Variants in AREG observed in about 807,000 individuals in gnomAD.
AREG encodes amphiregulin.
AREG carries 16 observed loss-of-function variants against 28.0 expected under a neutral mutation model. The ratio of observed to expected loss-of-function variants is 0.57; its 90% CI spans 0.39 to 0.87. The LOEUF is 0.87. Ranked by LOEUF, AREG falls within the 40% of genes least tolerant of loss-of-function variation. The pLI is 0.00. For missense variants in AREG, 287 were observed against 309.1 expected, an observed-to-expected ratio of 0.93 and a Z score of 0.53; for synonymous variants, 113 against 113.5, an observed-to-expected ratio of 1.00 and a Z score of 0.02.
At chr4:74,446,042 C>A (rs951942277) in intron 1 of AREG, among the ~76,000 whole-genome samples, 3 of 87,916 alleles carry the variant, frequency 3.4e-5, no homozygotes, top group Non-Finnish European at 6.8e-5. Flanking sequence ...TTAAAAATAT[C>A]TTTTAAAAAT....
At position 74,449,032 on chromosome 4, in the gene AREG, T is replaced by C; in HGVS notation, c.311-15T>C. 1 of 1,607,298 alleles carries C rather than the reference T, an allele frequency of 6.2e-7. No homozygotes were observed. Among genetic ancestry groups the C allele is most frequent in the Non-Finnish European group, 8.5e-7 (1 of 1,178,864 alleles). ...AGTTTGAGAGACTCTTGTCAATAAA[T>C]CTTTTCTTTTTTAGTTGAACAGGTA... On this transcript the variant is annotated splice_polypyrimidine_tract_variant and intron_variant, in intron 2 of 5. Transcript: ENST00000395748.
chr4:74,447,786 T>A (rs1314318689), intron 2 of AREG, among the ~76,000 whole-genome samples: 1 of 151,946 alleles, frequency 6.6e-6, no homozygotes, highest in Non-Finnish European at 1.5e-5. Context: ...CTTGGGTGAG[T>A]GGGAAGTGAG....
At chr4:74,452,507 G>C in intron 4 of AREG, 37 bp from the exon 5 acceptor site, 1 of 1,612,112 alleles carries the variant, frequency 6.2e-7, no homozygotes, top group Non-Finnish European at 8.5e-7. Flanking sequence ...TAGATGAATA[G>C]AACCTTGATA....
chr4:74,448,937 G>T, intron 2 of AREG, 110 bp from the exon 3 acceptor site: 1 of 1,442,462 alleles, frequency 6.9e-7, no homozygotes, highest in East Asian at 2.3e-5. Context: ...AATGAGGCAC[G>T]CATGGCTGTT....
chr4:74,450,495 G>T lies in AREG; in HGVS notation c.628G>T (p.Ala210Ser). 3 of 1,613,966 alleles carry T rather than the reference G, an allele frequency of 1.9e-6. No individual in the cohort carries two copies. Among genetic ancestry groups the T allele is most frequent in the Non-Finnish European group, 2.5e-6 (3 of 1,179,848 alleles). ...ALAAIAAFMS[A>S]VILTAVAVIT... The stretch of plus-strand genomic sequence containing the variant: ...AGCAGCCATAGCTGCCTTTATGTCT[G>T]CTGTGATCCTCACAGCTGTTGCTGT... Residue 210 changes from alanine (A) to serine (S), a missense_variant, in exon 4 of 6, where the codon GCT (alanine) becomes TCT (serine). Ala to Ser is a moderately conservative substitution (Grantham distance 99). Transcript: ENST00000395748.
chr4:74,454,808 G>C lies in AREG; in HGVS notation c.*68G>C, dbSNP rs989570832. 3 of 700,000 alleles carry C rather than the reference G, an allele frequency of 4.3e-6. No individual in the cohort carries two copies. The highest frequency in any genetic ancestry group is 7.8e-6 in the Non-Finnish European group (3 of 383,554). The allele number at this position is 700,000 out of a possible 1,614,324, so 43.4% of individuals were successfully genotyped here. On this transcript the variant is annotated 3_prime_UTR_variant, in exon 6 of 6. Coordinates refer to ENST00000395748, the MANE Select transcript of AREG (RefSeq NM_001657.4). ...AGTCATAGCCATAAATGATGAGTCG[G>C]TCCTCTTTCCAGTGGATCATAAGAC...
rs767981241 is a variant in AREG, at chr4:74,450,405, C to A, written c.538C>A (p.Arg180=). 1 of 1,613,704 alleles carries A rather than the reference C, an allele frequency of 6.2e-7. No individual in the cohort carries two copies. The highest frequency in any genetic ancestry group is 1.3e-5 in the African/African-American group (1 of 74,876). Reference sequence around the variant, plus strand: ...ATGTCAGCAAGAATATTTCGGTGAACGGTGTGGGGAAAAGTCCATGAAAAC... The same window carrying A: ...ATGTCAGCAAGAATATTTCGGTGAAAGGTGTGGGGAAAAGTCCATGAAAAC... ...CKCQQEYFGE[R]CGEKSMKTHS... Residue 180 remains arginine (R), a synonymous_variant, in exon 4 of 6, where the codon CGG becomes AGG. Transcript: ENST00000395748.
Position 74,445,442 on chromosome 4 carries a change from C to T in AREG, c.61+36C>T. ...ACCGGCGCTGAACTGCTGGGCTCTC[C>T]TCCCATGGCAGGTTTTGCCTCTTGA... On this transcript the variant is annotated intron_variant, in intron 1 of 5. Transcript: ENST00000395748. 2.5e-6 allele frequency: 4 copies of T among 1,593,294 alleles called. No homozygotes were observed. The South Asian group carries it at 4.6e-5, about 18-fold the overall frequency.
chr4:74,445,439 C>T, intron 1 of AREG, 33 bp downstream of exon 1: 1 of 1,596,280 alleles, frequency 6.3e-7, no homozygotes, highest in Non-Finnish European at 8.5e-7. Context: ...CTGCTGGGCT[C>T]TCCTCCCATG....
rs1237609875 is a variant in AREG, at chr4:74,449,237, A to C, written c.501A>C (p.Ala167=). Residue 167 remains alanine, a synonymous_variant, in exon 3 of 6, where the codon GCA becomes GCC. Transcript: ENST00000395748. ...GECKYIEHLE[A]VTCKCQQEYF... is the part of the protein sequence containing the mutation. Reference sequence around the variant, plus strand: ...GCAAATATATAGAGCACCTGGAAGCAGTAACATGCAAGTAAGTTTTCCTAA... The same window carrying C: ...GCAAATATATAGAGCACCTGGAAGCCGTAACATGCAAGTAAGTTTTCCTAA... 1 of 1,613,642 alleles carries C rather than the reference A, an allele frequency of 6.2e-7. No individual in the cohort carries two copies. Among genetic ancestry groups the C allele is most frequent in the East Asian group, 2.2e-5 (1 of 44,766 alleles).
intron 2 of AREG, among the ~76,000 whole-genome samples, chr4:74,447,733 A>G (rs2110411206): frequency 1.3e-5 from 2 of 152,264 alleles, no homozygotes; most frequent in South Asian, 4.1e-4. Context: ...TCTGGTTCTC[A>G]GAACTGGTGA....
chr4:74,453,981 C>T (rs1719421535), intron 5 of AREG, among the ~76,000 whole-genome samples: 1 of 151,478 alleles, frequency 6.6e-6, no homozygotes. Context: ...TTCCTAAGCC[C>T]AGCCCTAAAT....
intron 5 of AREG, among the ~76,000 whole-genome samples, chr4:74,453,075 G>A (rs1319055542): frequency 2.0e-5 from 3 of 152,186 alleles, no homozygotes; most frequent in Non-Finnish European, 4.4e-5. Context: ...GGAAGTGAAC[G>A]TTGAAGGACT....
rs1030095539 is a variant in AREG at position 74,454,435 on chromosome 4, G to A, written c.*19-324G>A. The stretch of plus-strand genomic sequence containing the variant: ...ATCTTTGATTTTAATTATGTCCACT[G>A]CATAGATTTGGTTAGGAAAACTATT... On this transcript the variant is annotated intron_variant, in intron 5 of 5. Transcript: ENST00000395748. 1.1e-4 allele frequency among the ~76,000 whole-genome samples: 17 copies of A among 152,256 alleles called. No homozygotes were observed. In the East Asian group the frequency reaches 3.3e-3, roughly 29 times the overall value.
At chr4:74,452,475 A>G in intron 4 of AREG, 69 bp from the exon 5 acceptor site, 1 of 1,594,354 alleles carries the variant, frequency 6.3e-7, no homozygotes, top group South Asian at 1.1e-5. Context: ...CCCTCTACTC[A>G]TAAAAACCCC....
chr4:74,454,786 C>T lies in AREG; in HGVS notation c.*46C>T, dbSNP rs566564409. On this transcript the variant is annotated 3_prime_UTR_variant, in exon 6 of 6. Coordinates refer to ENST00000395748, the MANE Select transcript of AREG (RefSeq NM_001657.4). Reference sequence around the variant, plus strand: ...TATCACATTGGAGTCACTGCCAAGTCATAGCCATAAATGATGAGTCGGTCC... The same window carrying T: ...TATCACATTGGAGTCACTGCCAAGTTATAGCCATAAATGATGAGTCGGTCC... 23 of 699,196 alleles carry T rather than the reference C, an allele frequency of 3.3e-5. No homozygotes were observed. The South Asian group carries it at 3.4e-4, about 10-fold the overall frequency. 43.3% of individuals were successfully genotyped at this position (699,196 alleles called of 1,614,324 possible). A position where few individuals can be genotyped will look rare whatever the true frequency, so the allele number is the denominator to read the frequency against.
Position 74,446,514 on chromosome 4 carries a change from CT to C in AREG, c.62-17del. The C allele has an allele frequency of 1.2e-6, 2 of 1,613,920 alleles. No individual in the cohort carries two copies. The highest frequency in any genetic ancestry group is 2.2e-5 in the South Asian group (2 of 91,072). ...CCCTACTTTACCTTTTCTTTTCTTC[CT>C]TTATTCCCTCCCCTGCAGGCCATTA... On this transcript the variant is annotated intron_variant, in intron 1 of 5. Coordinates refer to ENST00000395748, the MANE Select transcript of AREG (RefSeq NM_001657.4).
intron 5 of AREG, 120 bp downstream of exon 5, chr4:74,452,775 C>T: frequency 3.5e-6 from 3 of 846,168 alleles, no homozygotes; most frequent in South Asian, 3.7e-5. Context: ...TGAACAATGG[C>T]TATGTTAAAG....
At chr4:74,450,274 A>C (rs1431178197) in intron 3 of AREG, 106 bp from the exon 4 acceptor site, 2 of 1,575,728 alleles carry the variant, frequency 1.3e-6, no homozygotes, top group African/African-American at 2.7e-5. Flanking sequence ...ATATGGCATA[A>C]CTTTTTTAAT....
Sources: allele counts gnomAD v4.1 joint callset (sites outside exome capture counted in the v4.1 genomes callset), GRCh38; gene constraint gnomAD v4.1.1; transcripts MANE v1.5; gene names NCBI Gene and HGNC (gene_info 2026-07-23, HGNC 2026-07-21).